Variants in SLCO6A1 observed in about 807,000 individuals in gnomAD.
SLCO6A1 encodes the protein solute carrier organic anion transporter family member 6A1.
A neutral mutation model predicts 72.7 loss-of-function variants in SLCO6A1; 65 were observed. That is an observed-to-expected ratio of 0.89 (90% confidence interval 0.73 to 1.10). The LOEUF (loss-of-function observed/expected upper bound fraction) is 1.10. Among genes scored for constraint, SLCO6A1 ranks in the 50% least tolerant of loss-of-function variants. SLCO6A1 has a pLI of 0.00. For missense variants in SLCO6A1, 874 were observed against 872.6 expected (o/e 1.00, Z -0.02); for synonymous variants, 314 against 298.2 (o/e 1.05, Z -0.55).
At chr5:102,481,527 G>C (rs760227129) in intron 1 of SLCO6A1, among the ~76,000 whole-genome samples, 1 of 152,178 alleles carries the variant, frequency 6.6e-6, no homozygotes, top group Non-Finnish European at 1.5e-5. Flanking sequence ...GCAACTCTGG[G>C]AATTGTGGTT....
In SLCO6A1 at chr5:102,446,151, T is replaced by C. The variant is rs1396465507; in HGVS notation, c.1132-7390A>G. On this transcript the variant is annotated intron_variant, in intron 6 of 13. Transcript: ENST00000506729. ...ATTAGGATAGTATTAAATCTGTAAATAGCTTTGGGCAGAATGGCCATTTTA... is the reference window on the plus strand; with the variant it reads ...ATTAGGATAGTATTAAATCTGTAAACAGCTTTGGGCAGAATGGCCATTTTA... Among the ~76,000 whole-genome samples, 4 of 152,330 alleles carry C rather than the reference T, an allele frequency of 2.6e-5. No homozygotes were observed. In the East Asian group the frequency reaches 5.8e-4, roughly 22 times the overall value.
At chr5:102,477,340 T>C (rs1485344999) in intron 3 of SLCO6A1, among the ~76,000 whole-genome samples, 4 of 152,094 alleles carry the variant, frequency 2.6e-5, no homozygotes, top group Non-Finnish European at 1.5e-5. Flanking sequence ...GCCAGGCTGG[T>C]TTTGAACTCC....
intron 7 of SLCO6A1, among the ~76,000 whole-genome samples, chr5:102,434,641 C>A (rs983936231): frequency 6.6e-6 from 1 of 152,138 alleles, no homozygotes; most frequent in African/African-American, 2.4e-5. Context: ...CTCTTGGCAA[C>A]AACGATGGGA....
At chr5:102,479,913 C>G (rs537499874) in intron 2 of SLCO6A1, among the ~76,000 whole-genome samples, 1 of 152,270 alleles carries the variant, frequency 6.6e-6, no homozygotes, top group East Asian at 1.9e-4. Context: ...CTAGGGATCA[C>G]AGTACTGAGC....
At chr5:102,425,333 T>TC (rs1307636387) in intron 7 of SLCO6A1, among the ~76,000 whole-genome samples, 1 of 152,080 alleles carries the variant, frequency 6.6e-6, no homozygotes, top group Non-Finnish European at 1.5e-5. Flanking sequence ...TCAAATTATC[T>TC]CTGTTTGCAG....
At chr5:102,474,239 A>G (rs1421629416) in intron 4 of SLCO6A1, among the ~76,000 whole-genome samples, 1 of 152,072 alleles carries the variant, frequency 6.6e-6, no homozygotes, top group African/African-American at 2.4e-5. Flanking sequence ...ACACAGACCA[A>G]TGAAATAGAA....
chr5:102,376,780 G>A (rs927332123), intron 12 of SLCO6A1, among the ~76,000 whole-genome samples: 6 of 152,148 alleles, frequency 3.9e-5, no homozygotes, highest in Admixed American at 1.3e-4. Flanking sequence ...CATAAGAGAC[G>A]TTTCAATGAA....
intron 12 of SLCO6A1, among the ~76,000 whole-genome samples, chr5:102,381,436 T>G (rs143192051): frequency 5.8e-4 from 88 of 151,934 alleles, no homozygotes; most frequent in Middle Eastern, 3.4e-3. Context: ...AGTATTCCAT[T>G]GTATGTATGT....
chr5:102,492,350 T>A (rs148465497), intron 1 of SLCO6A1, among the ~76,000 whole-genome samples: 9 of 151,812 alleles, frequency 5.9e-5, no homozygotes, highest in Non-Finnish European at 7.4e-5. Context: ...TGAAAAAAAA[T>A]GTCTTTGATG....
intron 9 of SLCO6A1, among the ~76,000 whole-genome samples, chr5:102,400,260 T>A (rs1313609646): frequency 6.6e-6 from 1 of 151,838 alleles, no homozygotes; most frequent in African/African-American, 2.4e-5. Context: ...CCACATAAAA[T>A]ATTTTAATTT....
At chr5:102,417,311 A>T (rs1304177941) in intron 8 of SLCO6A1, among the ~76,000 whole-genome samples, 1 of 151,624 alleles carries the variant, frequency 6.6e-6, no homozygotes, top group Non-Finnish European at 1.5e-5. Flanking sequence ...TCTCCCTTTT[A>T]ACTGAGATGT....
Position 102,491,700 on chromosome 5 carries a change from G to A in SLCO6A1, c.358+6787C>T, listed in dbSNP as rs374308400. On this transcript the variant is annotated intron_variant, in intron 1 of 13. Transcript: ENST00000506729. ...TCGTGCTGGCCCGCAAGCGCGGTGCGCAGCCCCGGTTCCCGCCCGTGCCTC... is the reference window on the plus strand; with the variant it reads ...TCGTGCTGGCCCGCAAGCGCGGTGCACAGCCCCGGTTCCCGCCCGTGCCTC... Among the ~76,000 whole-genome samples the A allele has an allele frequency of 2.5e-4, 38 of 152,326 alleles. No individual in the cohort carries two copies. The East Asian group carries it at 6.2e-3, about 25-fold the overall frequency.
intron 6 of SLCO6A1, among the ~76,000 whole-genome samples, chr5:102,453,699 G>A (rs1472618802): frequency 6.6e-6 from 1 of 152,124 alleles, no homozygotes; most frequent in Admixed American, 6.6e-5. Context: ...TGAAGCCTAT[G>A]TTCTATTTTT....
intron 12 of SLCO6A1, among the ~76,000 whole-genome samples, chr5:102,387,906 A>G (rs1746503790): frequency 6.6e-6 from 1 of 152,156 alleles, no homozygotes; most frequent in South Asian, 2.1e-4. Context: ...AGTTATAAAA[A>G]CATGTCTAGA....
At chr5:102,473,345 C>G (rs1237535332) in intron 4 of SLCO6A1, among the ~76,000 whole-genome samples, 2 of 151,890 alleles carry the variant, frequency 1.3e-5, no homozygotes, top group African/African-American at 4.8e-5. Context: ...GTGTAATACA[C>G]CACATTAACA....
intron 6 of SLCO6A1, among the ~76,000 whole-genome samples, chr5:102,451,543 T>A (rs1203967164): frequency 6.6e-6 from 1 of 152,158 alleles, no homozygotes; most frequent in African/African-American, 2.4e-5. Flanking sequence ...TCCATGCAGC[T>A]CTTCATGTCA....
rs1401518956 is a variant in SLCO6A1, at chr5:102,419,911, C to T, written c.1387G>A (p.Val463Met). ...AACACAAGCAGTATAAGTGATATCA[C>T]AGATGTAACCATTATAAATCTCATA... ...ALMRFIMVTS[V>M]ISLILLVFII... is the part of the protein sequence containing the mutation. The change falls in exon 8 of 14, where the codon GTG becomes ATG. Residue 463 changes from valine to methionine, a missense_variant. By Grantham distance (21) the Val-to-Met change is conservative. Transcript: ENST00000506729. 3 of 1,608,172 alleles carry T rather than the reference C, an allele frequency of 1.9e-6. No individual in the cohort carries two copies. Among genetic ancestry groups the T allele is most frequent in the Non-Finnish European group, 1.7e-6 (2 of 1,178,174 alleles).
In SLCO6A1 at chr5:102,438,621, A is replaced by C; in HGVS notation, c.1272T>G (p.Leu424=). The C allele has an allele frequency of 2.5e-6, 4 of 1,589,366 alleles. No homozygotes were observed. Among genetic ancestry groups the C allele is most frequent in the South Asian group, 2.4e-5 (2 of 84,694 alleles). ...ACAATAAGAAGGTAAATCTACCTGCAAGTGTAGTTGCCACAGTGGGTGTTA... is the reference window on the plus strand; with the variant it reads ...ACAATAAGAAGGTAAATCTACCTGCCAGTGTAGTTGCCACAGTGGGTGTTA... The part of the protein sequence containing the change: ...FILTPTVATT[L]AGLVLIPGGA... The change falls in exon 7 of 14, where the codon CTT becomes CTG. Residue 424 remains leucine, a synonymous_variant. Coordinates refer to ENST00000506729, the MANE Select transcript of SLCO6A1 (RefSeq NM_173488.5).
intron 12 of SLCO6A1, among the ~76,000 whole-genome samples, chr5:102,385,735 T>C (rs907663615): frequency 6.6e-6 from 1 of 152,064 alleles, no homozygotes; most frequent in Non-Finnish European, 1.5e-5. Flanking sequence ...TTTAGCTGTC[T>C]GTGTACTCGT....
Sources: gnomAD v4.1 joint callset for allele counts (sites outside exome capture counted in the v4.1 genomes callset) on GRCh38, gnomAD v4.1.1 for gene constraint, MANE v1.5 for transcripts, NCBI Gene and HGNC (gene_info 2026-07-23, HGNC 2026-07-21) for gene names.